The following HHIPL1 variants were observed in gnomAD, a reference collection of about 807,000 sequenced individuals.
HHIPL1 encodes the protein HHIP like 1.
HHIPL1 carries 43 observed loss-of-function variants against 61.8 expected under a neutral mutation model. The ratio of observed to expected loss-of-function variants is 0.70; its 90% confidence interval spans 0.55 to 0.90. HHIPL1 has a LOEUF of 0.90. Among genes scored for constraint, HHIPL1 ranks in the 40% least tolerant of loss-of-function variants. The pLI, the probability that HHIPL1 is intolerant of heterozygous loss-of-function variation, is 0.00. For missense variants in HHIPL1, 1,056 were observed against 1,157.7 expected (o/e 0.91, Z 1.28); for synonymous variants, 482 against 515.8 (o/e 0.93, Z 0.89).
intron 6 of HHIPL1, among the ~76,000 whole-genome samples, chr14:99,664,683 C>T (rs912792386): frequency 5.3e-5 from 8 of 152,216 alleles, no homozygotes; most frequent in Non-Finnish European, 1.0e-4. Context: ...AGTACCTCTG[C>T]TGGCCCAGTG....
rs890399151 is a variant in HHIPL1, at chr14:99,668,345, C to G, written c.1730+42C>G. On this transcript the variant is annotated intron_variant, in intron 7 of 8. Transcript: ENST00000330710. This position sits in a 1 kb window ranked among gnomAD's most constrained non-coding sequence, Gnocchi z 4.7. ...AGGACAGGGAGCTCCTGCTGTCTGT[C>G]AGGCCTCTTAGCTCCACGGGCTTGT... 1 of 1,229,470 alleles carries G rather than the reference C, an allele frequency of 8.1e-7. No individual in the cohort carries two copies. The allele number at this position is 1,229,470 out of a possible 1,614,324, so 76.2% of individuals were successfully genotyped here. A position where few individuals can be genotyped will look rare whatever the true frequency, so the allele number is the denominator to read the frequency against.
chr14:99,675,491 T>G lies in HHIPL1; in HGVS notation c.2214T>G (p.Ile738Met). The change falls in exon 9 of 9, where the codon ATT becomes ATG. Residue 738 changes from isoleucine (I) to methionine (M), a missense_variant. Coordinates refer to ENST00000330710, the MANE Select transcript of HHIPL1 (RefSeq NM_001127258.3). This position sits in a 1 kb window ranked among gnomAD's most constrained non-coding sequence, Gnocchi z 5.4. ...TCGGCCAGGGCGGCTCGCTGCCCAT[T>G]CTGCTGGACGATGTGCGCTGCGCGG... The part of the protein sequence containing the change: ...AEFGQGGSLP[I>M]LLDDVRCAGW... 1.3e-6 allele frequency: 2 copies of G among 1,542,824 alleles called. No homozygotes were observed. The highest frequency in any genetic ancestry group is 2.4e-5 in the South Asian group (2 of 84,000).
chr14:99,615,896 A>G, the HHIPL1 span, among the ~76,000 whole-genome samples: 1 of 152,182 alleles, frequency 6.6e-6, no homozygotes, highest in Non-Finnish European at 1.5e-5. Context: ...GGAGAGGAAT[A>G]TTAGAGCTCT....
At chr14:99,604,790 G>A in the HHIPL1 span, among the ~76,000 whole-genome samples, 1 of 152,148 alleles carries the variant, frequency 6.6e-6, no homozygotes, top group East Asian at 1.9e-4. Flanking sequence ...CCCTCCCGGG[G>A]GCACCAGAGT....
At chr14:99,639,366 T>G in the HHIPL1 span, among the ~76,000 whole-genome samples, 7 of 152,336 alleles carry the variant, frequency 4.6e-5, no homozygotes, top group East Asian at 1.4e-3. Flanking sequence ...TATTATTTTT[T>G]TGAGACAGGG....
Position 99,668,856 on chromosome 14 carries a change from C to G in HHIPL1, c.1730+553C>G. ...GCTGTAAGGCCAGAAGCGCCATGCCCGGCTATGTCCCAGCTCCTTCCGTGT... is the reference window on the plus strand; with the variant it reads ...GCTGTAAGGCCAGAAGCGCCATGCCGGGCTATGTCCCAGCTCCTTCCGTGT... On this transcript the variant is annotated intron_variant, in intron 7 of 8. Coordinates refer to ENST00000330710, the MANE Select transcript of HHIPL1 (RefSeq NM_001127258.3). This position sits in a 1 kb window ranked among gnomAD's most constrained non-coding sequence, Gnocchi z 4.7. The G allele has an allele frequency of 6.2e-7, 1 of 1,614,042 alleles. No homozygotes were observed. The highest frequency in any genetic ancestry group is 1.1e-5 in the South Asian group (1 of 91,086).
At chr14:99,638,579 A>G in the HHIPL1 span, among the ~76,000 whole-genome samples, 1 of 152,178 alleles carries the variant, frequency 6.6e-6, no homozygotes, top group East Asian at 1.9e-4. Flanking sequence ...CCACACCCTC[A>G]GGCCCCAGAG....
chr14:99,651,889 G>A (rs1378124264), intron 1 of HHIPL1, among the ~76,000 whole-genome samples: 1 of 152,206 alleles, frequency 6.6e-6, no homozygotes, highest in Admixed American at 6.5e-5. Context: ...GCAGTGAGCT[G>A]TGCTGATGTA....
chr14:99,658,955 G>A (rs1330889591), intron 3 of HHIPL1, among the ~76,000 whole-genome samples: 1 of 152,134 alleles, frequency 6.6e-6, no homozygotes, highest in Non-Finnish European at 1.5e-5. Context: ...TGGTCTGAGC[G>A]GGACCACTCT....
chr14:99,637,158 GAAAGAAAGAA>G, the HHIPL1 span, among the ~76,000 whole-genome samples: 1 of 138,712 alleles, frequency 7.2e-6, no homozygotes. Context: ...CAGAAAGAAA[GAAAGAAAGAA>G]AAAGAAAGAA....
chr14:99,652,988 G>C, intron 2 of HHIPL1, 118 bp downstream of exon 2: 1 of 1,044,464 alleles, frequency 9.6e-7, no homozygotes, highest in Non-Finnish European at 1.4e-6. Flanking sequence ...ACCTGGTGGG[G>C]GTGCTGAATT....
chr14:99,674,034 A>T (rs1262774075), intron 8 of HHIPL1, among the ~76,000 whole-genome samples: 2 of 151,742 alleles, frequency 1.3e-5, no homozygotes, highest in Non-Finnish European at 2.9e-5. Flanking sequence ...GGTGGGGGCC[A>T]GGGGCCAGGG....
At chr14:99,673,172 G>A (rs985116114) in intron 8 of HHIPL1, among the ~76,000 whole-genome samples, 1 of 152,096 alleles carries the variant, frequency 6.6e-6, no homozygotes, top group East Asian at 1.9e-4. Flanking sequence ...TGGGGGTGGG[G>A]AGGGCAAGAA....
At chr14:99,622,378 TC>T in the HHIPL1 span, among the ~76,000 whole-genome samples, 2 of 152,124 alleles carry the variant, frequency 1.3e-5, no homozygotes, top group Non-Finnish European at 2.9e-5. Flanking sequence ...AGTCGTGGCC[TC>T]CCCTCATTGC....
the HHIPL1 span, among the ~76,000 whole-genome samples, chr14:99,620,296 T>C: frequency 6.6e-6 from 1 of 152,236 alleles, no homozygotes; most frequent in South Asian, 2.1e-4. Flanking sequence ...ACTGGGCAGA[T>C]AATCCCTCTG....
the HHIPL1 span, among the ~76,000 whole-genome samples, chr14:99,606,581 CCCCTGATCCT>C: frequency 6.6e-6 from 1 of 152,234 alleles, no homozygotes; most frequent in South Asian, 2.1e-4. Context: ...TTATCTCTGC[CCCCTGATCCT>C]CCAGAGCTGG....
chr14:99,668,927 G>C lies in HHIPL1; in HGVS notation c.1730+624G>C. 6.2e-7 allele frequency: 1 copy of C among 1,612,214 alleles called. No homozygotes were observed. Among genetic ancestry groups the C allele is most frequent in the Non-Finnish European group, 8.5e-7 (1 of 1,178,458 alleles). On this transcript the variant is annotated intron_variant, in intron 7 of 8. Transcript: ENST00000330710. The surrounding 1 kb of genome is among the most constrained non-coding windows in gnomAD (Gnocchi z 4.7). Reference sequence around the variant, plus strand: ...CCGTTCATTTTACAGTGGTGGAAATGAGCACAAAGACACGAAGTCATGGGC... The same window carrying C: ...CCGTTCATTTTACAGTGGTGGAAATCAGCACAAAGACACGAAGTCATGGGC...
At chr14:99,613,171 C>T in the HHIPL1 span, among the ~76,000 whole-genome samples, 2 of 152,026 alleles carry the variant, frequency 1.3e-5, no homozygotes, top group Non-Finnish European at 2.9e-5. Flanking sequence ...GTCTGAGGAG[C>T]CCCAGCTGGC....
At chr14:99,648,643 G>A (rs1210970655) in intron 1 of HHIPL1, among the ~76,000 whole-genome samples, 1 of 152,234 alleles carries the variant, frequency 6.6e-6, no homozygotes, top group Non-Finnish European at 1.5e-5. Flanking sequence ...TGGAGTGAGT[G>A]TCGTGTCTGA....
Sources: gnomAD v4.1 joint callset for allele counts (sites outside exome capture counted in the v4.1 genomes callset) on GRCh38, gnomAD v4.1.1 for gene constraint, Gnocchi (gnomAD v3.1) non-coding constraint, MANE v1.5 for transcripts, NCBI Gene and HGNC (gene_info 2026-07-23, HGNC 2026-07-21) for gene names.